Variants in DDI2 observed in about 807,000 individuals in gnomAD.
The protein encoded by DDI2 is protein DDI1 homolog 2.
A neutral mutation model predicts 48.1 loss-of-function variants in DDI2; 5 were observed. The observed-to-expected ratio is 0.10, with a 90% CI of 0.05 to 0.22. The LOEUF is 0.22. Among genes scored for constraint, DDI2 ranks in the 10% least tolerant of loss-of-function variants. The pLI, the probability that DDI2 is intolerant of heterozygous loss-of-function variation, is 1.00. For missense variants in DDI2, 285 were observed against 506.2 expected (o/e 0.56, Z 4.19); for synonymous variants, 205 against 183.6 (o/e 1.12, Z -0.94).
chr1:15,623,352 T>C (rs1639699412), intron 1 of DDI2, among the ~76,000 whole-genome samples: 1 of 151,644 alleles, frequency 6.6e-6, no homozygotes, highest in Non-Finnish European at 1.5e-5. Flanking sequence ...TAATGGGCTT[T>C]GAAATTAGAC....
In DDI2 at chr1:15,668,997, G is replaced by C. The variant is rs1185952196; in HGVS notation, c.*9207G>C. ...ATAGGAACTTTCTGAAGAAAAAGTG[G>C]TGTGTAAAACATTTGATATTTAAGA... is the stretch of plus-strand genomic sequence containing the variant. On this transcript the variant is annotated 3_prime_UTR_variant, in exon 10 of 10. Coordinates refer to ENST00000480945, the MANE Select transcript of DDI2 (RefSeq NM_032341.5). 1.3e-5 allele frequency: 2 copies of C among 151,550 alleles called. No individual in the cohort carries two copies. Among genetic ancestry groups the C allele is most frequent in the Non-Finnish European group, 2.9e-5 (2 of 68,026 alleles). 9.4% of individuals were successfully genotyped at this position (151,550 alleles called of 1,614,324 possible).
chr1:15,618,915 T>C (rs573263317), intron 1 of DDI2, among the ~76,000 whole-genome samples: 6 of 152,344 alleles, frequency 3.9e-5, no homozygotes, highest in Non-Finnish European at 7.3e-5. Context: ...TGCTGTCTTA[T>C]GGTAAACACG....
intron 4 of DDI2, 23 bp from the exon 5 acceptor site, chr1:15,638,284 T>C (rs1399203962): frequency 6.2e-7 from 1 of 1,613,040 alleles, no homozygotes; most frequent in Admixed American, 1.7e-5. Context: ...GCTTTCAGTG[T>C]CCCTGGTCTT....
rs998161159 is a variant in DDI2 at position 15,662,043 on chromosome 1, A to G, written c.*2253A>G. 9.2e-5 allele frequency: 19 copies of G among 206,204 alleles called. No homozygotes were observed. Among genetic ancestry groups the G allele is most frequent in the Non-Finnish European group, 1.9e-4 (19 of 102,010 alleles). The allele number at this position is 206,204 out of a possible 1,614,324, so 12.8% of individuals were successfully genotyped here. On this transcript the variant is annotated 3_prime_UTR_variant, in exon 10 of 10. Coordinates refer to ENST00000480945, the MANE Select transcript of DDI2 (RefSeq NM_032341.5). ...GGTTTTGTGTGTAGCATACTGTTTT[A>G]GAATGAGAGTAAATGCTTTGAAAAG...
intron 8 of DDI2, among the ~76,000 whole-genome samples, chr1:15,654,416 G>GC (rs1257820392): frequency 6.6e-6 from 1 of 152,116 alleles, no homozygotes; most frequent in African/African-American, 2.4e-5. Context: ...ACTTTGGTAG[G>GC]CCAAGGCAGG....
At chr1:15,630,624 A>G in intron 3 of DDI2, 63 bp downstream of exon 3, 4 of 1,137,218 alleles carry the variant, frequency 3.5e-6, no homozygotes, top group Non-Finnish European at 5.3e-6. Context: ...TGTCATAGCA[A>G]ATGTGAAGAG....
intron 8 of DDI2, among the ~76,000 whole-genome samples, chr1:15,655,286 TA>T (rs1026793361): frequency 8.1e-4 from 124 of 152,336 alleles, no homozygotes; most frequent in African/African-American, 2.9e-3. Flanking sequence ...ATCATCCGAA[TA>T]AATACTCTGG....
At position 15,665,147 on chromosome 1, in the gene DDI2, A is replaced by C. The variant is rs1272796203; in HGVS notation, c.*5357A>C. ...TGTGGTGGCCCATGCCTGTAATTCCAGCTACTCGGGAGGCTGAGGCAGGAG... is the reference window on the plus strand; with the variant it reads ...TGTGGTGGCCCATGCCTGTAATTCCCGCTACTCGGGAGGCTGAGGCAGGAG... On this transcript the variant is annotated 3_prime_UTR_variant, in exon 10 of 10. Transcript: ENST00000480945. The C allele has an allele frequency of 2.0e-5, 3 of 152,376 alleles. No homozygotes were observed. 9.4% of individuals were successfully genotyped at this position (152,376 alleles called of 1,614,324 possible).
At chr1:15,618,454 A>G (rs1157222217) in intron 1 of DDI2, among the ~76,000 whole-genome samples, 2 of 152,084 alleles carry the variant, frequency 1.3e-5, no homozygotes, top group African/African-American at 4.8e-5. Context: ...GTTCAACTCA[A>G]GCTGTTTGTT....
chr1:15,617,936 A>C, intron 1 of DDI2, 128 bp downstream of exon 1: 2 of 1,312,880 alleles, frequency 1.5e-6, no homozygotes, highest in African/African-American at 3.0e-5. Flanking sequence ...TTCTCAGGTC[A>C]CCCCCGCATC....
chr1:15,656,391 G>T, intron 8 of DDI2: 1 of 1,395,538 alleles, frequency 7.2e-7, no homozygotes, highest in Non-Finnish European at 9.3e-7. Flanking sequence ...TTCTTTACAA[G>T]ATCTATTAAA....
chr1:15,649,942 G>C (rs1570986181), intron 7 of DDI2, 119 bp downstream of exon 7: 1 of 935,296 alleles, frequency 1.1e-6, no homozygotes, highest in Non-Finnish European at 1.5e-6. Flanking sequence ...TTCAAACCTG[G>C]AAATGTCCTT....
intron 6 of DDI2, among the ~76,000 whole-genome samples, chr1:15,646,601 C>T (rs534244210): frequency 4.3e-4 from 65 of 151,962 alleles, no homozygotes; most frequent in Non-Finnish European, 6.8e-4. Context: ...GCAGGAGAAT[C>T]GCTTGAACCT....
chr1:15,635,230 AG>A (rs201163493), intron 4 of DDI2, among the ~76,000 whole-genome samples: 1 of 125,516 alleles, frequency 8.0e-6, no homozygotes, highest in African/African-American at 3.7e-5. Context: ...CCCCCATCTT[AG>A]GAAAAAAAAA....
At chr1:15,658,668 C>T (rs555042567) in intron 9 of DDI2, among the ~76,000 whole-genome samples, 1 of 151,708 alleles carries the variant, frequency 6.6e-6, no homozygotes, top group South Asian at 2.1e-4. Context: ...GCAGGAGAAT[C>T]GCTTGGACCC....
At chr1:15,618,143 A>G (rs1366153315) in intron 1 of DDI2, among the ~76,000 whole-genome samples, 1 of 151,992 alleles carries the variant, frequency 6.6e-6, no homozygotes, top group African/African-American at 2.4e-5. Context: ...TCCCGAGTGT[A>G]GGATATCGTT....
chr1:15,640,272 A>ATGCT (rs1384959972), intron 5 of DDI2, among the ~76,000 whole-genome samples: 11 of 152,260 alleles, frequency 7.2e-5, no homozygotes, highest in African/African-American at 2.6e-4. Context: ...GGTGCTTAAT[A>ATGCT]TAATCATCTT....
rs1428395928 is a variant in DDI2, at chr1:15,665,585, A to G, written c.*5795A>G. 1 of 152,214 alleles carries G rather than the reference A, an allele frequency of 6.6e-6. No homozygotes were observed. Among genetic ancestry groups the G allele is most frequent in the Admixed American group, 6.5e-5 (1 of 15,278 alleles). 9.4% of individuals were successfully genotyped at this position (152,214 alleles called of 1,614,324 possible). A position where few individuals can be genotyped will look rare whatever the true frequency, so the allele number is the denominator to read the frequency against. The stretch of plus-strand genomic sequence containing the variant: ...TAGGTTAACTTTTAAGCTCATGTCT[A>G]TATATATGTGTGTAAGCTAGCATAT... On this transcript the variant is annotated 3_prime_UTR_variant, in exon 10 of 10. Transcript: ENST00000480945.
chr1:15,659,821 C>T lies in DDI2; in HGVS notation c.*47-16C>T, dbSNP rs1486590914. ...CTGCTAATTAATCTTTTTCCTTTCC[C>T]CTGTGTTCCATATAGAGAAAAGTGG... On this transcript the variant is annotated splice_polypyrimidine_tract_variant and intron_variant, in intron 9 of 9. Transcript: ENST00000480945. 7.3e-6 allele frequency: 11 copies of T among 1,501,470 alleles called. No individual in the cohort carries two copies. The South Asian group carries it at 8.4e-5, about 11-fold the overall frequency. 93.0% of individuals were successfully genotyped at this position (1,501,470 alleles called of 1,614,324 possible).
Sources: gnomAD v4.1 joint callset for allele counts (sites outside exome capture counted in the v4.1 genomes callset) on GRCh38, gnomAD v4.1.1 for gene constraint, MANE v1.5 for transcripts, NCBI Gene and HGNC (gene_info 2026-07-23, HGNC 2026-07-21) for gene names.